LRP1B: variants seen among roughly 807,000 people sequenced by gnomAD.
The protein encoded by LRP1B is low-density lipoprotein receptor-related protein 1B.
LRP1B carries 217 observed loss-of-function variants against 556.6 expected under a neutral mutation model. That is an observed-to-expected ratio of 0.39 (90% CI 0.35 to 0.44). LRP1B has a LOEUF of 0.44. Ranked by LOEUF, LRP1B falls within the 20% of genes least tolerant of loss-of-function variation. LRP1B has a pLI of 1.00. For synonymous variants in LRP1B, 2,047 were observed against 1,865.8 expected (o/e 1.10, Z -2.50); for missense variants, 5,053 against 5,620.8 (o/e 0.90, Z 3.23).
chr2:140,444,843 C>T (rs2380793), intron 63 of LRP1B, among the ~76,000 whole-genome samples, 164 bp from the exon 64 acceptor site: 15,754 of 152,036 alleles, frequency 0.1, 1,061 homozygotes, highest in East Asian at 0.24. Flanking sequence ...TTTAGCTATA[C>T]TTTGAGCAAC....
At chr2:140,486,987 AT>A (rs1273975170) in intron 58 of LRP1B, among the ~76,000 whole-genome samples, 1 of 151,936 alleles carries the variant, frequency 6.6e-6, no homozygotes, top group African/African-American at 2.4e-5. Context: ...ATTCACTTGA[AT>A]TTAAAACTTC....
intron 27 of LRP1B, among the ~76,000 whole-genome samples, chr2:140,854,424 G>C (rs533410611): frequency 8.1e-4 from 123 of 152,160 alleles, no homozygotes; most frequent in African/African-American, 2.9e-3. Flanking sequence ...AATATTTTGT[G>C]CTTCATAGAT....
chr2:141,491,697 C>T (rs897137165), intron 2 of LRP1B, among the ~76,000 whole-genome samples: 1 of 152,110 alleles, frequency 6.6e-6, no homozygotes, highest in African/African-American at 2.4e-5. Flanking sequence ...TGAATGGGAG[C>T]AGCCAACTGG....
At chr2:141,935,352 A>T (rs751834679) in intron 1 of LRP1B, among the ~76,000 whole-genome samples, 17 of 152,156 alleles carry the variant, frequency 1.1e-4, no homozygotes, top group Non-Finnish European at 2.2e-4. Context: ...TATGAAACTG[A>T]GTTTATACAG....
intron 2 of LRP1B, among the ~76,000 whole-genome samples, chr2:141,809,428 T>C (rs1015154874): frequency 4.6e-5 from 7 of 152,080 alleles, no homozygotes; most frequent in Non-Finnish European, 7.4e-5. Flanking sequence ...GGGGATGATA[T>C]TGACATGTCA....
In LRP1B at chr2:140,700,596, A is replaced by C; in HGVS notation, c.6453T>G (p.Asn2151Lys). 1 of 1,613,502 alleles carries C rather than the reference A, an allele frequency of 6.2e-7. No homozygotes were observed. The highest frequency in any genetic ancestry group is 8.5e-7 in the Non-Finnish European group (1 of 1,179,596). ...AAAGACAGAGTTGCTTACAGCCACC[A>C]TTGTCCCTGGCACAAACATTGGTCC... ...EKGTNVCARDNGGCKQLCLYR... is the reference protein window; with the variant it reads ...EKGTNVCARDKGGCKQLCLYR... Residue 2151 changes from asparagine to lysine, a missense_variant, in exon 41 of 91, where the codon AAT (asparagine) becomes AAG (lysine). Coordinates refer to ENST00000389484, the MANE Select transcript of LRP1B (RefSeq NM_018557.3).
chr2:140,426,461 G>A (rs1016041770), intron 66 of LRP1B, among the ~76,000 whole-genome samples: 3 of 150,828 alleles, frequency 2.0e-5, no homozygotes, highest in Admixed American at 6.6e-5. Flanking sequence ...CCAGATGGCC[G>A]GTTCCTGCCT....
chr2:141,630,634 C>T (rs527403162), intron 2 of LRP1B, among the ~76,000 whole-genome samples: 9 of 152,268 alleles, frequency 5.9e-5, no homozygotes, highest in Admixed American at 1.3e-4. Context: ...CCCTGACTTT[C>T]GATGGTTTGA....
At chr2:142,082,876 T>C (rs992533467) in intron 1 of LRP1B, among the ~76,000 whole-genome samples, 2 of 152,176 alleles carry the variant, frequency 1.3e-5, no homozygotes, top group African/African-American at 4.8e-5. Flanking sequence ...TTTAAAACTT[T>C]TGGATGGGCT....
intron 2 of LRP1B, among the ~76,000 whole-genome samples, chr2:141,525,754 C>T (rs1684676262): frequency 6.6e-6 from 1 of 151,902 alleles, no homozygotes; most frequent in Non-Finnish European, 1.5e-5. Flanking sequence ...CACAACTTTA[C>T]ATATATTTAG....
intron 3 of LRP1B, among the ~76,000 whole-genome samples, chr2:141,321,543 T>A (rs921647830): frequency 6.6e-6 from 1 of 152,094 alleles, no homozygotes; most frequent in Admixed American, 6.6e-5. Flanking sequence ...ATATTCCTAT[T>A]ACTGAGTCAA....
In LRP1B at chr2:140,323,824, T is replaced by C. The variant is rs566728994; in HGVS notation, c.12514+69A>G. ...TTTACATAGTTAAGATATTTAAAAATATATTATTTTGAGAGATACAAGAAA... is the reference window on the plus strand; with the variant it reads ...TTTACATAGTTAAGATATTTAAAAACATATTATTTTGAGAGATACAAGAAA... On this transcript the variant is annotated intron_variant, in intron 81 of 90. Coordinates refer to ENST00000389484, the MANE Select transcript of LRP1B (RefSeq NM_018557.3). 1.1e-5 allele frequency: 9 copies of C among 785,664 alleles called. No individual in the cohort carries two copies. In the Admixed American group the frequency reaches 1.8e-4, roughly 16 times the overall value. The allele number at this position is 785,664 out of a possible 1,614,324, so 48.7% of individuals were successfully genotyped here.
At chr2:141,199,409 C>T (rs1186501418) in intron 6 of LRP1B, among the ~76,000 whole-genome samples, 1 of 152,120 alleles carries the variant, frequency 6.6e-6, no homozygotes, top group Non-Finnish European at 1.5e-5. Context: ...AATCTTCAGT[C>T]TGCACTTTTT....
chr2:141,640,927 G>A (rs1242609212), intron 2 of LRP1B, among the ~76,000 whole-genome samples: 2 of 152,146 alleles, frequency 1.3e-5, no homozygotes, highest in African/African-American at 4.8e-5. Context: ...TGTTTTTGTG[G>A]TGGTGAGCAG....
At position 141,048,488 on chromosome 2, in the gene LRP1B, A is replaced by G. The variant is rs148030586; in HGVS notation, c.1789+498T>C. On this transcript the variant is annotated intron_variant, in intron 11 of 90. Transcript: ENST00000389484. ...AAATGTTTTAAGTTTCTCTGGAGAT[A>G]CTGATATTCCAAGGGCAACTCTAGA... 1.6e-4 allele frequency among the ~76,000 whole-genome samples: 24 copies of G among 152,256 alleles called. No homozygotes were observed. In the East Asian group the frequency reaches 4.6e-3, roughly 29 times the overall value.
At chr2:140,714,768 C>T (rs1235689637) in intron 37 of LRP1B, among the ~76,000 whole-genome samples, 1 of 152,092 alleles carries the variant, frequency 6.6e-6, no homozygotes, top group African/African-American at 2.4e-5. Context: ...TACAGCCAGG[C>T]ACGGTGGCTC....
intron 83 of LRP1B, among the ~76,000 whole-genome samples, chr2:140,306,264 C>T (rs1022860649): frequency 6.6e-5 from 10 of 151,932 alleles, no homozygotes; most frequent in Non-Finnish European, 1.3e-4. Flanking sequence ...TAGAATTTGG[C>T]TGTGAATCTG....
At chr2:141,490,989 G>T (rs142336369) in intron 2 of LRP1B, among the ~76,000 whole-genome samples, 111 of 146,302 alleles carry the variant, frequency 7.6e-4, no homozygotes, top group African/African-American at 2.7e-3. Context: ...TAGCCAAGTT[G>T]ATATACTAGG....
chr2:140,860,484 C>T (rs1692755542), intron 27 of LRP1B, among the ~76,000 whole-genome samples: 1 of 152,114 alleles, frequency 6.6e-6, no homozygotes, highest in East Asian at 1.9e-4. Context: ...TGAAAGTAAA[C>T]TAAAATGTTC....
Sources: gnomAD v4.1 joint callset for allele counts (sites outside exome capture counted in the v4.1 genomes callset) on GRCh38, gnomAD v4.1.1 for gene constraint, MANE v1.5 for transcripts, NCBI Gene and HGNC (gene_info 2026-07-23, HGNC 2026-07-21) for gene names.